Variants in TCEA1 observed in about 807,000 individuals in gnomAD.
The protein encoded by TCEA1 is transcription elongation factor A protein 1.
Under a neutral mutation model 43.8 loss-of-function variants are expected in TCEA1, and 21 were observed. The observed-to-expected ratio is 0.48, with a 90% confidence interval of 0.34 to 0.69. TCEA1 has a LOEUF of 0.69. Among genes scored for constraint, TCEA1 ranks in the 30% least tolerant of loss-of-function variants. TCEA1 has a pLI of 0.01. For missense variants in TCEA1, 250 were observed against 365.1 expected, an observed-to-expected ratio of 0.68 and a Z score of 2.57; for synonymous variants, 104 against 117.5, an observed-to-expected ratio of 0.88 and a Z score of 0.75.
intron 3 of TCEA1, among the ~76,000 whole-genome samples, chr8:53,998,168 CAGA>C (rs1804126727): frequency 6.6e-6 from 1 of 152,118 alleles, no homozygotes; most frequent in African/African-American, 2.4e-5. Context: ...TAAAATTGCT[CAGA>C]AGGATACATG....
Position 53,970,436 on chromosome 8 carries a change from T to G in TCEA1, c.853A>C (p.Met285Leu). 6.2e-7 allele frequency: 1 copy of G among 1,611,626 alleles called. No homozygotes were observed. The highest frequency in any genetic ancestry group is 8.5e-7 in the Non-Finnish European group (1 of 1,178,576). ...TCATTACAGACAACAAATGTTGTCA[T>G]TGGTTCATCAGCACTACGGGTTTGT... ...QVQTRSADEP[M>L]TTFVVCNECG... The change falls in exon 9 of 10, where the codon ATG becomes CTG. Residue 285 changes from methionine (M) to leucine (L), a missense_variant. This residue lies in a region of TCEA1 where 46 missense variants were observed against 109.8 expected (regional missense o/e 0.42). Coordinates refer to ENST00000521604, the MANE Select transcript of TCEA1 (RefSeq NM_006756.4).
chr8:54,002,102 G>A lies in TCEA1; in HGVS notation c.127-2052C>T, dbSNP rs1699404499. ...AAGAATCACTTGAACCCAGAAGGCAGAAGTTGCAGCGAGCCACGATCACAC... is the reference window on the plus strand; with the variant it reads ...AAGAATCACTTGAACCCAGAAGGCAAAAGTTGCAGCGAGCCACGATCACAC... On this transcript the variant is annotated intron_variant, in intron 2 of 9. Coordinates refer to ENST00000521604, the MANE Select transcript of TCEA1 (RefSeq NM_006756.4). 4.0e-5 allele frequency among the ~76,000 whole-genome samples: 6 copies of A among 151,850 alleles called. No individual in the cohort carries two copies. In the South Asian group the frequency reaches 1.2e-3, roughly 31 times the overall value.
intron 1 of TCEA1, among the ~76,000 whole-genome samples, chr8:54,013,392 C>T (rs1395570637): frequency 2.6e-5 from 4 of 151,948 alleles, no homozygotes; most frequent in Non-Finnish European, 4.4e-5. Context: ...GGGCTGGGCA[C>T]GGTGGCTTAT....
At chr8:54,013,348 A>C (rs1048458732) in intron 1 of TCEA1, among the ~76,000 whole-genome samples, 1 of 152,150 alleles carries the variant, frequency 6.6e-6, no homozygotes, top group Non-Finnish European at 1.5e-5. Context: ...ATTCAAATAA[A>C]TATTTCACTG....
rs373623139 is a variant in TCEA1 at position 54,022,436 on chromosome 8, G to C, written c.-311C>G. 1.1e-4 allele frequency: 48 copies of C among 439,426 alleles called. No individual in the cohort carries two copies. Among genetic ancestry groups the C allele is most frequent in the African/African-American group, 9.2e-4 (44 of 47,798 alleles). 27.2% of individuals were successfully genotyped at this position (439,426 alleles called of 1,614,324 possible). On this transcript the variant is annotated 5_prime_UTR_variant, in exon 1 of 10. Transcript: ENST00000521604. Reference sequence around the variant, plus strand: ...GCGGGCGTCGGGCTAGTGGGCAGGCGTGGCTTCCGGCTAGAGGGTCGTGGA... The same window carrying C: ...GCGGGCGTCGGGCTAGTGGGCAGGCCTGGCTTCCGGCTAGAGGGTCGTGGA...
chr8:53,976,522 C>T (rs1172851503), intron 8 of TCEA1, among the ~76,000 whole-genome samples: 3 of 152,080 alleles, frequency 2.0e-5, no homozygotes, highest in East Asian at 1.9e-4. Flanking sequence ...CTATCTGAAG[C>T]GAACACTTTG....
rs1168337605 is a variant in TCEA1 at position 54,022,274 on chromosome 8, C to G, written c.-149G>C. On this transcript the variant is annotated 5_prime_UTR_variant, in exon 1 of 10. Transcript: ENST00000521604. The stretch of plus-strand genomic sequence containing the variant: ...TAGGCCCCCTTCCTTACGAACGAAG[C>G]CCGCGGCGGCGGCGGCGGCGGCGGC... The G allele has an allele frequency of 3.0e-6, 3 of 985,434 alleles. No individual in the cohort carries two copies. The highest frequency in any genetic ancestry group is 4.5e-6 in the Non-Finnish European group (3 of 668,532). 61.0% of individuals were successfully genotyped at this position (985,434 alleles called of 1,614,324 possible).
chr8:54,001,912 G>A (rs550148047), intron 2 of TCEA1, among the ~76,000 whole-genome samples: 40 of 152,106 alleles, frequency 2.6e-4, no homozygotes, highest in African/African-American at 7.2e-4. Context: ...GGGAGGCTGA[G>A]GCGGGCGGCT....
At chr8:54,010,328 C>A in intron 2 of TCEA1, 102 bp downstream of exon 2, 2 of 854,670 alleles carry the variant, frequency 2.3e-6, no homozygotes, top group Non-Finnish European at 3.7e-6. Context: ...TAATGGTTTA[C>A]ACCATTATCA....
At chr8:53,972,955 T>G (rs142317995) in intron 8 of TCEA1, 1 of 662,016 alleles carries the variant, frequency 1.5e-6, no homozygotes, top group Non-Finnish European at 2.8e-6. Context: ...ATATATCATA[T>G]CTGCTGCAAT....
At chr8:53,982,400 G>C (rs538679921) in intron 7 of TCEA1, among the ~76,000 whole-genome samples, 1 of 152,118 alleles carries the variant, frequency 6.6e-6, no homozygotes, top group African/African-American at 2.4e-5. Flanking sequence ...CTGAGGTCAG[G>C]AGTTTGAGAC....
chr8:53,996,903 C>CTTCTTTTTTTTTTTT (rs1804072715), intron 3 of TCEA1, among the ~76,000 whole-genome samples: 1 of 116,626 alleles, frequency 8.6e-6, no homozygotes, highest in Non-Finnish European at 1.6e-5. Flanking sequence ...AGAAGGTTGT[C>CTTCTTTTTTTTTTTT]TTTTTTTTTT....
intron 1 of TCEA1, among the ~76,000 whole-genome samples, chr8:54,012,001 A>C (rs1441164512): frequency 6.6e-6 from 1 of 152,212 alleles, no homozygotes; most frequent in Non-Finnish European, 1.5e-5. Flanking sequence ...GTCATCTAGA[A>C]ACAGTAAAAC....
At chr8:53,981,028 T>G (rs1267427716) in intron 7 of TCEA1, among the ~76,000 whole-genome samples, 1 of 152,204 alleles carries the variant, frequency 6.6e-6, no homozygotes, top group Non-Finnish European at 1.5e-5. Context: ...CAACATTCCC[T>G]TAAGCCAAAG....
chr8:53,999,242 A>G (rs982636882), intron 3 of TCEA1, among the ~76,000 whole-genome samples: 27 of 150,524 alleles, frequency 1.8e-4, no homozygotes, highest in Non-Finnish European at 3.0e-4. Flanking sequence ...AAAAAAAAAA[A>G]AAAAGAAAGA....
At chr8:54,005,865 A>G (rs1339392607) in intron 2 of TCEA1, among the ~76,000 whole-genome samples, 1 of 152,172 alleles carries the variant, frequency 6.6e-6, no homozygotes, top group Non-Finnish European at 1.5e-5. Context: ...TCAGCATCAC[A>G]TATGAAGCCC....
At position 53,970,210 on chromosome 8, in the gene TCEA1, C is replaced by G. The variant is rs543867489; in HGVS notation, c.897+182G>C. ...AAGGTGGTAAAGTCAAGTTAATACT[C>G]TTTATTTCTAGTAGGGTAACAAGAT... On this transcript the variant is annotated intron_variant, in intron 9 of 9. Transcript: ENST00000521604. The G allele has an allele frequency of 9.3e-6, 6 of 643,932 alleles. No homozygotes were observed. The African/African-American group carries it at 1.1e-4, about 12-fold the overall frequency. 39.9% of individuals were successfully genotyped at this position (643,932 alleles called of 1,614,324 possible).
At chr8:53,969,486 T>TA in intron 9 of TCEA1, among the ~76,000 whole-genome samples, 1 of 151,524 alleles carries the variant, frequency 6.6e-6, no homozygotes, top group East Asian at 1.9e-4. Flanking sequence ...AAAGTCTATG[T>TA]AAGTATAAAT....
chr8:54,004,634 G>T (rs73590828), intron 2 of TCEA1, among the ~76,000 whole-genome samples: 72 of 152,222 alleles, frequency 4.7e-4, no homozygotes, highest in African/African-American at 1.6e-3. Context: ...AGACCAGTTG[G>T]GGGGAACGGA....
Sources: gnomAD v4.1 joint callset for allele counts (sites outside exome capture counted in the v4.1 genomes callset) on GRCh38, gnomAD v4.1.1 for gene constraint, gnomAD v4.1.1 regional missense constraint, MANE v1.5 for transcripts, NCBI Gene and HGNC (gene_info 2026-07-23, HGNC 2026-07-21) for gene names.